P2RX5: variants seen among roughly 807,000 people sequenced by gnomAD.
P2RX5 encodes the protein P2X purinoceptor 5.
In P2RX5, 46 loss-of-function variants were observed where a neutral mutation model predicts 54.1. The observed-to-expected ratio is 0.85, with a 90% CI of 0.67 to 1.09. The LOEUF (loss-of-function observed/expected upper bound fraction) is 1.09. Ranked by LOEUF, P2RX5 falls within the 50% of genes least tolerant of loss-of-function variation. The pLI is 0.00. For synonymous variants in P2RX5, 226 were observed against 226.4 expected (o/e 1.00, Z 0.02); for missense variants, 566 against 549.8 (o/e 1.03, Z -0.29).
the P2RX5 span, among the ~76,000 whole-genome samples, chr17:3,701,490 C>T: frequency 6.6e-6 from 1 of 151,922 alleles, no homozygotes; most frequent in Non-Finnish European, 1.5e-5. Flanking sequence ...GTCAGGAGTT[C>T]GAGACCAGCC....
intron 10 of P2RX5, among the ~76,000 whole-genome samples, 166 bp downstream of exon 10, chr17:3,681,730 C>T (rs573608661): frequency 6.6e-6 from 1 of 152,288 alleles, no homozygotes; most frequent in South Asian, 2.1e-4. Context: ...CTGCCGAGGC[C>T]GAATCCGGTT....
At position 3,681,945 on chromosome 17, in the gene P2RX5, G is replaced by C; in HGVS notation, c.1015C>G (p.Leu339Val). The change falls in exon 10 of 12, where the codon CTC (leucine) becomes GTC (valine). Residue 339 changes from leucine to valine, a missense_variant. Coordinates refer to ENST00000225328, the MANE Select transcript of P2RX5 (RefSeq NM_002561.4). Reference protein sequence around the residue: ...AFFCDLVLIYLIKKREFYRDK... With the variant: ...AFFCDLVLIYVIKKREFYRDK... ...CGGTAAAACTCTCTCTTTTTGATGA[G>C]GTAGATGAGTACCAGGTCGCAGAAG... The C allele has an allele frequency of 6.2e-7, 1 of 1,613,630 alleles. No individual in the cohort carries two copies. Among genetic ancestry groups the C allele is most frequent in the South Asian group, 1.1e-5 (1 of 91,078 alleles).
intron 11 of P2RX5, 137 bp from the exon 12 acceptor site, chr17:3,674,014 A>C: frequency 1.1e-6 from 1 of 903,838 alleles, no homozygotes; most frequent in Non-Finnish European, 1.8e-6. Flanking sequence ...TCCCCATTTA[A>C]AAGCCAGTTT....
intron 10 of P2RX5, among the ~76,000 whole-genome samples, chr17:3,680,257 G>A (rs1179537795): frequency 4.3e-5 from 6 of 138,588 alleles, no homozygotes; most frequent in Non-Finnish European, 9.4e-5. Flanking sequence ...CCTCCACCCT[G>A]CATCCTCCAC....
At chr17:3,677,704 T>G (rs2142995226) in intron 11 of P2RX5, 1 of 985,302 alleles carries the variant, frequency 1.0e-6, no homozygotes, top group South Asian at 4.7e-5. Flanking sequence ...AGCATCTCAT[T>G]TAAGCACCTC....
chr17:3,676,400 G>C (rs940230574), intron 11 of P2RX5: 1 of 984,988 alleles, frequency 1.0e-6, no homozygotes, highest in African/African-American at 1.7e-5. Context: ...AACACTGGCT[G>C]CCTCTGGGGA....
intron 1 of P2RX5, 36 bp downstream of exon 1, chr17:3,695,833 C>CG: frequency 6.2e-7 from 1 of 1,607,952 alleles, no homozygotes; most frequent in Non-Finnish European, 8.5e-7. Context: ...CGCCCTGCCC[C>CG]TCCCCCGCCT....
the P2RX5 span, chr17:3,723,772 G>T: frequency 4.4e-6 from 7 of 1,603,612 alleles, no homozygotes; most frequent in African/African-American, 9.4e-5. Flanking sequence ...ACCGCGACGC[G>T]CTGAACAAAC....
At chr17:3,680,371 G>GTCCTCCACCCTGCATCCTCCACCCTGCA (rs1450722594) in intron 10 of P2RX5, among the ~76,000 whole-genome samples, 1 of 36,096 alleles carries the variant, frequency 2.8e-5, no homozygotes, top group Admixed American at 3.1e-4. Context: ...TCCACCCTGC[G>GTCCTCCACCCTGCATCCTCCACCCTGCA]TCCTCCACCC....
chr17:3,696,079 C>G lies in P2RX5; in HGVS notation c.-74G>C. On this transcript the variant is annotated 5_prime_UTR_variant, in exon 1 of 12. Transcript: ENST00000225328. ...TGGGGAGCACTCGGTCCCTCGGTCC[C>G]TGCGCGCCCGGCGCCCGCCTCGGCC... The G allele has an allele frequency of 3.3e-6, 5 of 1,504,472 alleles. No homozygotes were observed. Among genetic ancestry groups the G allele is most frequent in the Non-Finnish European group, 4.4e-6 (5 of 1,126,424 alleles). 93.2% of individuals were successfully genotyped at this position (1,504,472 alleles called of 1,614,324 possible).
At chr17:3,674,325 A>C (rs1400436686) in intron 11 of P2RX5, among the ~76,000 whole-genome samples, 1 of 131,034 alleles carries the variant, frequency 7.6e-6, no homozygotes, top group Non-Finnish European at 1.6e-5. Flanking sequence ...CAAAAAATTA[A>C]AAAAAAAAAA....
At chr17:3,701,696 G>GAAAAAAAAAAAAA in the P2RX5 span, among the ~76,000 whole-genome samples, 3 of 73,412 alleles carry the variant, frequency 4.1e-5, no homozygotes, top group African/African-American at 1.8e-4. Flanking sequence ...CTCTGTCTCA[G>GAAAAAAAAAAAAA]AAAAAAAAAA....
intron 10 of P2RX5, 124 bp from the exon 11 acceptor site, chr17:3,679,908 T>C (rs1004338445): frequency 2.8e-5 from 23 of 816,406 alleles, no homozygotes; most frequent in Non-Finnish European, 4.1e-5. Flanking sequence ...CTCCAGCCGG[T>C]GTCCTCCACC....
At chr17:3,675,474 A>G (rs549455310) in intron 11 of P2RX5, 4 of 985,384 alleles carry the variant, frequency 4.1e-6, no homozygotes, top group East Asian at 1.1e-4. Flanking sequence ...TCCCAAACCT[A>G]AAAGTCACCA....
At chr17:3,699,116 T>A (rs58070585), upstream of P2RX5, among the ~76,000 whole-genome samples, 886 of 143,370 alleles carry the variant, frequency 6.2e-3, 14 homozygotes, top group African/African-American at 0.021. Context: ...ACTAGCCAAG[T>A]CAGGCACAGT....
In P2RX5 at chr17:3,691,733, T is replaced by A. The variant is rs1375658874; in HGVS notation, c.199A>T (p.Ile67Phe). The change falls in exon 2 of 12, where the codon ATC becomes TTC. Residue 67 changes from isoleucine (I) to phenylalanine (F), a missense_variant. Transcript: ENST00000225328. The part of the protein sequence containing the change: ...DVDTSLQSAV[I>F]TKVKGVAFTN... ...AAGGCCACGCCCTTGACTTTGGTGA[T>A]GACAGCACTCTGCAGGGAGGTGTCG... is the stretch of plus-strand genomic sequence containing the variant. 1 of 1,614,246 alleles carries A rather than the reference T, an allele frequency of 6.2e-7. No homozygotes were observed. The highest frequency in any genetic ancestry group is 8.5e-7 in the Non-Finnish European group (1 of 1,180,038).
At chr17:3,700,960 G>A (rs1597281308), upstream of P2RX5, among the ~76,000 whole-genome samples, 1 of 152,138 alleles carries the variant, frequency 6.6e-6, no homozygotes, top group African/African-American at 2.4e-5. Context: ...CTGGTGTTCA[G>A]AGCAGTCACA....
At position 3,673,750 on chromosome 17, in the gene P2RX5, A is replaced by G; in HGVS notation, c.*118T>C. 1 of 1,609,498 alleles carries G rather than the reference A, an allele frequency of 6.2e-7. No homozygotes were observed. Among genetic ancestry groups the G allele is most frequent in the Non-Finnish European group, 8.5e-7 (1 of 1,178,816 alleles). On this transcript the variant is annotated 3_prime_UTR_variant, in exon 12 of 12. Transcript: ENST00000225328. ...GGCTGGTCCCTGTGATGTGGCATTG[A>G]TAGCACCCAATGTACAAATTTCCCG...
At chr17:3,713,003 A>G in the P2RX5 span, among the ~76,000 whole-genome samples, 1 of 149,306 alleles carries the variant, frequency 6.7e-6, no homozygotes, top group Non-Finnish European at 1.5e-5. Flanking sequence ...CAAAACCACC[A>G]ACTGTTCTAA....
Sources: allele counts gnomAD v4.1 joint callset (sites outside exome capture counted in the v4.1 genomes callset), GRCh38; gene constraint gnomAD v4.1.1; transcripts MANE v1.5; gene names NCBI Gene and HGNC (gene_info 2026-07-23, HGNC 2026-07-21).